AHCTF1: variants seen among roughly 807,000 people sequenced by gnomAD.
The protein encoded by AHCTF1 is AT-hook containing transcription factor 1.
A neutral mutation model predicts 248.4 loss-of-function variants in AHCTF1; 24 were observed. That is an observed-to-expected ratio of 0.10 (90% CI 0.07 to 0.14). The LOEUF is 0.14. AHCTF1 is among the 10% of genes least tolerant of loss of function. The pLI, the probability that AHCTF1 is intolerant of heterozygous loss-of-function variation, is 1.00. For missense variants in AHCTF1, 2,206 were observed against 2,636.2 expected, an observed-to-expected ratio of 0.84 and a Z score of 3.57; for synonymous variants, 786 against 929.8, an observed-to-expected ratio of 0.85 and a Z score of 2.81.
At position 246,890,126 on chromosome 1, in the gene AHCTF1, TA is replaced by T. The variant is rs1454555690; in HGVS notation, c.2051-68del. 18 of 1,117,760 alleles carry T rather than the reference TA, an allele frequency of 1.6e-5. 1 individual carries two copies. Among genetic ancestry groups the T allele is most frequent in the Non-Finnish European group, 2.4e-5 (18 of 760,564 alleles). 69.2% of individuals were successfully genotyped at this position (1,117,760 alleles called of 1,614,324 possible). A position where few individuals can be genotyped will look rare whatever the true frequency, so the allele number is the denominator to read the frequency against. On this transcript the variant is annotated intron_variant, in intron 16 of 35. Coordinates refer to ENST00000648844, the MANE Select transcript of AHCTF1 (RefSeq NM_001323342.2). ...CAAATATCTCAACAATACATATTAA[TA>T]TTTTACTGTAATTTAATATTTACAG...
intron 33 of AHCTF1, among the ~76,000 whole-genome samples, chr1:246,848,266 T>A (rs1165852765): frequency 6.6e-6 from 1 of 152,082 alleles, no homozygotes; most frequent in Non-Finnish European, 1.5e-5. Flanking sequence ...CGGGCTGGAA[T>A]ACAGTGGCAC....
chr1:246,890,172 A>C, intron 16 of AHCTF1, 113 bp from the exon 17 acceptor site: 3 of 683,822 alleles, frequency 4.4e-6, no homozygotes, highest in Non-Finnish European at 7.3e-6. Flanking sequence ...GTTAACCCAC[A>C]GGGTGGGTAT....
intron 31 of AHCTF1, among the ~76,000 whole-genome samples, chr1:246,853,664 A>C (rs1314248172): frequency 6.7e-6 from 1 of 149,626 alleles, no homozygotes; most frequent in Non-Finnish European, 1.5e-5. Context: ...CATGAGGAAC[A>C]TGCAATCTGG....
chr1:246,856,575 G>C (rs1466839004), intron 30 of AHCTF1, among the ~76,000 whole-genome samples: 1 of 151,708 alleles, frequency 6.6e-6, no homozygotes, highest in Non-Finnish European at 1.5e-5. Context: ...TTCTCATGCT[G>C]GTAACTCTCA....
rs1034085412 is a variant in AHCTF1 at position 246,894,747 on chromosome 1, T to C, written c.1716A>G (p.Glu572=). Residue 572 remains glutamate, a splice_region_variant and synonymous_variant, in exon 14 of 36, where the codon GAA becomes GAG. Transcript: ENST00000648844. ...GCAAATTAGTGGCAGAATTTGGTTGTTCTTATTTGTAAATACAAAAGGGAA... is the reference window on the plus strand; with the variant it reads ...GCAAATTAGTGGCAGAATTTGGTTGCTCTTATTTGTAAATACAAAAGGGAA... The part of the protein sequence containing the change: ...TGYIRRWITE[E]QPNSATNLRF... The C allele has an allele frequency of 5.6e-6, 9 of 1,612,922 alleles. No homozygotes were observed. Among genetic ancestry groups the C allele is most frequent in the Non-Finnish European group, 7.6e-6 (9 of 1,179,016 alleles).
At chr1:246,861,328 A>T in intron 28 of AHCTF1, 33 bp from the exon 29 acceptor site, 2 of 1,547,602 alleles carry the variant, frequency 1.3e-6, no homozygotes, top group Non-Finnish European at 1.8e-6. Flanking sequence ...GAAAAAAATT[A>T]GTAAATATCA....
rs767807860 is a variant in AHCTF1, at chr1:246,853,168, C to G, written c.4486G>C (p.Val1496Leu). The stretch of plus-strand genomic sequence containing the variant: ...GGTAAGTCAACACTTTCTTTTAGTA[C>G]ACCAACTTCTACTTCATGATCTTCT... Reference protein sequence around the residue: ...LKEDHEVEVGVLKESVDLPEE... With the variant: ...LKEDHEVEVGLLKESVDLPEE... The change falls in exon 32 of 36, where the codon GTA becomes CTA. Residue 1496 changes from valine to leucine, a missense_variant. By Grantham distance (32) the Val-to-Leu change is conservative (BLOSUM62 1). This residue lies in a region of AHCTF1 where 955 missense variants were observed against 1,055.6 expected (regional missense o/e 0.90). Coordinates refer to ENST00000648844, the MANE Select transcript of AHCTF1 (RefSeq NM_001323342.2). The G allele has an allele frequency of 7.4e-6, 12 of 1,612,662 alleles. No homozygotes were observed. The African/African-American group carries it at 1.6e-4, about 22-fold the overall frequency.
chr1:246,863,521 G>A (rs1277979949), intron 27 of AHCTF1, among the ~76,000 whole-genome samples: 1 of 152,164 alleles, frequency 6.6e-6, no homozygotes, highest in African/African-American at 2.4e-5. Flanking sequence ...AAGTAGCAAG[G>A]AGTAACAGTT....
rs984852223 is a variant in AHCTF1 at position 246,884,003 on chromosome 1, C to T, written c.2660+1490G>A. ...AAAGTTCCAACACCTGCCTTTCTGA[C>T]GTAAGCATTAGTGATTAAGTAGCAA... On this transcript the variant is annotated intron_variant, in intron 21 of 35. Transcript: ENST00000648844. 3.9e-5 allele frequency among the ~76,000 whole-genome samples: 6 copies of T among 152,062 alleles called. No homozygotes were observed. In the East Asian group the frequency reaches 9.6e-4, roughly 24 times the overall value.
intron 29 of AHCTF1, among the ~76,000 whole-genome samples, chr1:246,860,190 G>A (rs973345406): frequency 5.4e-4 from 2 of 3,692 alleles, no homozygotes; most frequent in African/African-American, 0.02. Context: ...AACCTGGTTG[G>A]GGGGGGGGCG....
In AHCTF1 at chr1:246,840,822, C is replaced by T. The variant is rs766449025; in HGVS notation, c.6785G>A (p.Arg2262His). 6.9e-6 allele frequency: 11 copies of T among 1,597,346 alleles called. No individual in the cohort carries two copies. The highest frequency in any genetic ancestry group is 1.8e-5 in the Admixed American group (1 of 56,204). Residue 2262 changes from arginine (R) to histidine (H), a missense_variant, in exon 36 of 36, where the codon CGC becomes CAC. Physicochemically the swap from Arg to His is conservative, Grantham distance 29. This residue lies in a region of AHCTF1 where 469 missense variants were observed against 470.0 expected (regional missense o/e 1.00). Coordinates refer to ENST00000648844, the MANE Select transcript of AHCTF1 (RefSeq NM_001323342.2). ...KLSSYPKQIL[R>H]RKML ...CCCAAGAAATTACAGCATTTTTCTG[C>T]GTAAAATTTGCTTTGGATAGGAAGA...
At position 246,851,432 on chromosome 1, in the gene AHCTF1, T is replaced by G. The variant is rs1202780311; in HGVS notation, c.4574A>C (p.Gln1525Pro). Reference sequence around the variant, plus strand: ...TGAATCTTGAGCTTCAAGCTTTTCTTGTTCAATCACCTAAATGAATTAAAG... The same window carrying G: ...TGAATCTTGAGCTTCAAGCTTTTCTGGTTCAATCACCTAAATGAATTAAAG... Reference protein sequence around the residue: ...PDTQEIHVIEQEKLEAQDSGE... With the variant: ...PDTQEIHVIEPEKLEAQDSGE... Residue 1525 changes from glutamine to proline, a missense_variant, in exon 33 of 36, where the codon CAA (glutamine) becomes CCA (proline). Physicochemically the swap from Gln to Pro is moderately conservative, Grantham distance 76 (BLOSUM62 -1). Coordinates refer to ENST00000648844, the MANE Select transcript of AHCTF1 (RefSeq NM_001323342.2). 1 of 1,606,478 alleles carries G rather than the reference T, an allele frequency of 6.2e-7. No individual in the cohort carries two copies.
At chr1:246,894,299 G>A (rs528063428) in intron 14 of AHCTF1, among the ~76,000 whole-genome samples, 4 of 152,296 alleles carry the variant, frequency 2.6e-5, no homozygotes, top group East Asian at 1.9e-4. Context: ...CAGGCCAGGC[G>A]CGGTGGCTCA....
Position 246,876,921 on chromosome 1 carries a change from C to T in AHCTF1, c.2937+29G>A, listed in dbSNP as rs188912240. 26 of 1,607,134 alleles carry T rather than the reference C, an allele frequency of 1.6e-5. No individual in the cohort carries two copies. The South Asian group carries it at 2.1e-4, about 13-fold the overall frequency. On this transcript the variant is annotated intron_variant, in intron 23 of 35. Coordinates refer to ENST00000648844, the MANE Select transcript of AHCTF1 (RefSeq NM_001323342.2). ...CCTCCAGTTTTCCTTATTCTCTTAT[C>T]CCCCATAATAAGACAACTTTAATCG...
In AHCTF1 at chr1:246,931,592, T is replaced by G. The variant is rs1572490254; in HGVS notation, c.-22A>C. 5.9e-6 allele frequency: 1 copy of G among 170,650 alleles called. No homozygotes were observed. Among genetic ancestry groups the G allele is most frequent in the African/African-American group, 2.5e-5 (1 of 39,472 alleles). The allele number at this position is 170,650 out of a possible 1,614,324, so 10.6% of individuals were successfully genotyped here. On this transcript the variant is annotated 5_prime_UTR_variant, in exon 1 of 36. Transcript: ENST00000648844. ...CTTCCCCCTACCTGAACGGGGCGGGTGAGCGCGCCGCCGCGGGCCGAGTCC... is the reference window on the plus strand; with the variant it reads ...CTTCCCCCTACCTGAACGGGGCGGGGGAGCGCGCCGCCGCGGGCCGAGTCC...
intron 1 of AHCTF1, among the ~76,000 whole-genome samples, chr1:246,925,828 G>A (rs1377917648): frequency 6.6e-6 from 1 of 151,988 alleles, no homozygotes; most frequent in Non-Finnish European, 1.5e-5. Flanking sequence ...CCAGCACTTT[G>A]GGAGGCTGAG....
At chr1:246,859,885 T>G (rs1156880963) in intron 29 of AHCTF1, among the ~76,000 whole-genome samples, 3 of 152,106 alleles carry the variant, frequency 2.0e-5, no homozygotes, top group African/African-American at 7.2e-5. Flanking sequence ...CAGTGATTAT[T>G]TTGGAGGTGA....
chr1:246,842,440 GGT>G (rs1659941148), intron 35 of AHCTF1, among the ~76,000 whole-genome samples: 1 of 151,918 alleles, frequency 6.6e-6, no homozygotes, highest in Non-Finnish European at 1.5e-5. Context: ...AAATTAGCCA[GGT>G]GTGGTGGTGG....
rs755854248 is a variant in AHCTF1, at chr1:246,850,119, C to T, written c.5887G>A (p.Ala1963Thr). ...GGTATGGCAGACATATCAAATTCTG[C>T]TTGAACAGTCAACTGAGATGACTCA... ...NLESSQLTVQ[A>T]EFDMSAIPRK... Residue 1963 changes from alanine (A) to threonine (T), a missense_variant, in exon 33 of 36, where the codon GCA (alanine) becomes ACA (threonine). By Grantham distance (58) the Ala-to-Thr change is moderately conservative (BLOSUM62 0). Around this residue, in one of 6 missense-constraint regions of AHCTF1, gnomAD observed 469 missense variants for 470.0 expected, o/e 1.00. Transcript: ENST00000648844. 9 of 1,613,796 alleles carry T rather than the reference C, an allele frequency of 5.6e-6. No homozygotes were observed. The highest frequency in any genetic ancestry group is 1.7e-5 in the Admixed American group (1 of 59,984).
Sources: gnomAD v4.1 joint callset for allele counts (sites outside exome capture counted in the v4.1 genomes callset) on GRCh38, gnomAD v4.1.1 for gene constraint, gnomAD v4.1.1 regional missense constraint, MANE v1.5 for transcripts, NCBI Gene and HGNC (gene_info 2026-07-23, HGNC 2026-07-21) for gene names.